AHI1: variants seen among roughly 807,000 people sequenced by gnomAD.
AHI1 encodes the protein Abelson helper integration site 1.
In AHI1, 123 loss-of-function variants were observed where a neutral mutation model predicts 149.3. The observed-to-expected ratio is 0.82, with a 90% CI of 0.71 to 0.96. AHI1 has a LOEUF of 0.96. AHI1 is among the 40% of genes least tolerant of loss of function. The pLI, the probability that AHI1 is intolerant of heterozygous loss-of-function variation, is 0.00. For missense variants in AHI1, 1,439 were observed against 1,422.7 expected (o/e 1.01, Z -0.18); for synonymous variants, 475 against 459.8 (o/e 1.03, Z -0.42).
At chr6:135,312,342 G>T (rs1785323355) in intron 26 of AHI1, among the ~76,000 whole-genome samples, 10 of 152,036 alleles carry the variant, frequency 6.6e-5, no homozygotes, top group Admixed American at 6.5e-4. Flanking sequence ...GTGAAACCCT[G>T]TCTCTACTTA....
chr6:135,464,327 T>C (rs1562235335), intron 7 of AHI1, among the ~76,000 whole-genome samples: 1 of 152,178 alleles, frequency 6.6e-6, no homozygotes, highest in African/African-American at 2.4e-5. Flanking sequence ...TCACGTGTTA[T>C]TAAAAATTCA....
intron 25 of AHI1, among the ~76,000 whole-genome samples, chr6:135,320,929 A>G (rs746390973): frequency 6.6e-6 from 1 of 152,186 alleles, no homozygotes; most frequent in Non-Finnish European, 1.5e-5. Flanking sequence ...GAACTTGGCT[A>G]TTTTAGATGA....
At chr6:135,467,998 T>A (rs1791056987) in intron 5 of AHI1, among the ~76,000 whole-genome samples, 1 of 152,164 alleles carries the variant, frequency 6.6e-6, no homozygotes, top group Non-Finnish European at 1.5e-5. Context: ...TAACAATACA[T>A]ACTGGGGTTT....
chr6:135,432,453 A>C (rs1232163073), intron 16 of AHI1, among the ~76,000 whole-genome samples: 2 of 152,128 alleles, frequency 1.3e-5, no homozygotes, highest in African/African-American at 4.8e-5. Context: ...CCAGGGTTCA[A>C]GCGATTCTCC....
intron 26 of AHI1, among the ~76,000 whole-genome samples, chr6:135,304,253 A>C (rs1332127546): frequency 6.6e-6 from 1 of 151,970 alleles, no homozygotes; most frequent in Non-Finnish European, 1.5e-5. Flanking sequence ...AGGTTTCACT[A>C]TATTGTCCAG....
intron 26 of AHI1, chr6:135,302,723 T>A: frequency 7.9e-7 from 1 of 1,269,866 alleles, no homozygotes; most frequent in Non-Finnish European, 1.0e-6. Flanking sequence ...CATTCCTTGG[T>A]CTCAGCAGCA....
At chr6:135,489,895 CAA>C (rs879147569) in intron 5 of AHI1, 801 of 142,776 alleles carry the variant, frequency 5.6e-3, no homozygotes, top group East Asian at 7.5e-3. Context: ...AAACTCCTGC[CAA>C]AAAAAAAAAA....
chr6:135,323,478 T>G (rs1381144746), intron 24 of AHI1, 154 bp from the exon 25 acceptor site: 1 of 622,908 alleles, frequency 1.6e-6, no homozygotes, highest in Non-Finnish European at 2.6e-6. Flanking sequence ...GGATGAGGGG[T>G]GGTGGGAACA....
chr6:135,290,176 A>C (rs1262251719), intron 28 of AHI1, among the ~76,000 whole-genome samples: 1 of 152,222 alleles, frequency 6.6e-6, no homozygotes, highest in Non-Finnish European at 1.5e-5. Context: ...GCTTCTAAAG[A>C]GAATAAGACT....
rs530335442 is a variant in AHI1 at position 135,403,745 on chromosome 6, C to T, written c.2988+1206G>A. Among the ~76,000 whole-genome samples the T allele has an allele frequency of 7.9e-5, 12 of 152,254 alleles. No homozygotes were observed. In the South Asian group the frequency reaches 1.9e-3, roughly 24 times the overall value. Reference sequence around the variant, plus strand: ...TTACACCAATCATTGCTATCAGGAACGTTTCCTGAACATCTGCAGTACAAG... The same window carrying T: ...TTACACCAATCATTGCTATCAGGAATGTTTCCTGAACATCTGCAGTACAAG... On this transcript the variant is annotated intron_variant, in intron 22 of 28. Transcript: ENST00000265602.
rs1480382964 is a variant in AHI1, at chr6:135,442,671, C to G, written c.1823G>C (p.Gly608Ala). The G allele has an allele frequency of 6.2e-7, 1 of 1,611,440 alleles. No homozygotes were observed. Among genetic ancestry groups the G allele is most frequent in the South Asian group, 1.1e-5 (1 of 90,622 alleles). Residue 608 changes from glycine to alanine, a missense_variant, in exon 14 of 29, where the codon GGA (glycine) becomes GCA (alanine). Transcript: ENST00000265602. Reference sequence around the variant, plus strand: ...ATCAAGACAAAAACATCCTCGTTCTCCTGCATTTAGTGAGAAGAGGTGTTT... The same window carrying G: ...ATCAAGACAAAAACATCCTCGTTCTGCTGCATTTAGTGAGAAGAGGTGTTT... ...PNKHLFSLNA[G>A]ERGCFCLDFS...
chr6:135,399,405 C>T (rs1432260641), intron 22 of AHI1, among the ~76,000 whole-genome samples: 2 of 152,164 alleles, frequency 1.3e-5, no homozygotes, highest in East Asian at 3.8e-4. Flanking sequence ...CCGGGTACAA[C>T]AAAGCTTGTC....
intron 24 of AHI1, among the ~76,000 whole-genome samples, chr6:135,340,316 A>C (rs1790091667): frequency 6.6e-6 from 1 of 152,012 alleles, no homozygotes; most frequent in Non-Finnish European, 1.5e-5. Flanking sequence ...AGGTTGCGGT[A>C]AGCTGAGATC....
rs1271026280 is a variant in AHI1, at chr6:135,457,711, C to T, written c.934G>A (p.Ala312Thr). ...KKTKKKTKAVADNNEDVDGDG... is the reference protein window; with the variant it reads ...KKTKKKTKAVTDNNEDVDGDG... ...CCATCAACATCTTCATTATTATCTG[C>T]AACTACACGCATGGAAAAAAAAATC... Residue 312 changes from alanine (A) to threonine (T), a missense_variant and splice_region_variant, in exon 9 of 29, where the codon GCA becomes ACA. Ala to Thr is a moderately conservative substitution (Grantham distance 58). Transcript: ENST00000265602. 6.2e-7 allele frequency: 1 copy of T among 1,612,998 alleles called. No individual in the cohort carries two copies.
At chr6:135,494,476 C>T (rs1380233356) in intron 3 of AHI1, among the ~76,000 whole-genome samples, 1 of 152,178 alleles carries the variant, frequency 6.6e-6, no homozygotes, top group Non-Finnish European at 1.5e-5. Context: ...AGCAGATTCA[C>T]CTCTATGGAT....
At chr6:135,292,079 G>T (rs1241868102) in intron 27 of AHI1, among the ~76,000 whole-genome samples, 1 of 151,682 alleles carries the variant, frequency 6.6e-6, no homozygotes, top group Non-Finnish European at 1.5e-5. Flanking sequence ...TTTCTTTTAG[G>T]TGAAATATGT....
intron 19 of AHI1, among the ~76,000 whole-genome samples, chr6:135,428,037 A>G (rs1477460426): frequency 1.3e-5 from 2 of 151,616 alleles, no homozygotes; most frequent in African/African-American, 4.8e-5. Flanking sequence ...TGTTCATTAA[A>G]GAAATTTTAA....
At chr6:135,440,174 C>T (rs1786057089) in intron 14 of AHI1, among the ~76,000 whole-genome samples, 1 of 152,056 alleles carries the variant, frequency 6.6e-6, no homozygotes, top group Admixed American at 6.6e-5. Context: ...AGCCCCATCC[C>T]CAAAGACTTC....
At chr6:135,432,437 C>G (rs1338827782) in intron 16 of AHI1, among the ~76,000 whole-genome samples, 1 of 152,172 alleles carries the variant, frequency 6.6e-6, no homozygotes. Context: ...ACTGCAACCT[C>G]TACCTCCAGG....
Sources: gnomAD v4.1 joint callset for allele counts (sites outside exome capture counted in the v4.1 genomes callset) on GRCh38, gnomAD v4.1.1 for gene constraint, MANE v1.5 for transcripts, NCBI Gene and HGNC (gene_info 2026-07-23, HGNC 2026-07-21) for gene names.